Variants in RNF217 observed in about 807,000 individuals in gnomAD.
RNF217 encodes the protein ring finger protein 217, also known as E3 ubiquitin-protein ligase RNF217.
A neutral mutation model predicts 57.8 loss-of-function variants in RNF217; 31 were observed. The observed-to-expected ratio is 0.54, with a 90% CI of 0.40 to 0.72. RNF217 has a LOEUF of 0.72. Among genes scored for constraint, RNF217 ranks in the 30% least tolerant of loss-of-function variants. The pLI is 0.00. For missense variants in RNF217, 696 were observed against 708.3 expected (o/e 0.98, Z 0.20); for synonymous variants, 313 against 294.0 (o/e 1.06, Z -0.66).
intron 1 of RNF217, among the ~76,000 whole-genome samples, chr6:124,964,117 T>G (rs997265781): frequency 3.9e-5 from 6 of 152,052 alleles, no homozygotes; most frequent in Admixed American, 1.3e-4. Context: ...GAAAACTTGG[T>G]TTTTTTTCTT....
chr6:125,053,696 G>A (rs963757891), intron 2 of RNF217, among the ~76,000 whole-genome samples: 8 of 151,942 alleles, frequency 5.3e-5, no homozygotes, highest in South Asian at 2.1e-4. Context: ...CAGGTGAGTC[G>A]GCGTACTTTC....
chr6:125,051,451 G>A (rs1382708194), intron 2 of RNF217, among the ~76,000 whole-genome samples: 1 of 151,840 alleles, frequency 6.6e-6, no homozygotes, highest in East Asian at 1.9e-4. Flanking sequence ...ACCACCCTCT[G>A]TGCTACTACC....
At chr6:125,056,961 C>T (rs1020931368) in intron 2 of RNF217, among the ~76,000 whole-genome samples, 2 of 152,246 alleles carry the variant, frequency 1.3e-5, no homozygotes, top group South Asian at 2.1e-4. Flanking sequence ...TGTCATATAC[C>T]CCTCCACATA....
chr6:125,011,303 T>G (rs1785406665), intron 1 of RNF217, among the ~76,000 whole-genome samples: 1 of 152,188 alleles, frequency 6.6e-6, no homozygotes, highest in South Asian at 2.1e-4. Context: ...CCATCATTTA[T>G]TATGTATTTG....
rs1267339678 is a variant in RNF217, at chr6:125,076,852, G to T, written c.1477G>T (p.Val493Phe). ...PHLRRLVRGS[V>F]CAGKLFIAPL... ...TTTAAGGAGATTAGTGCGAGGGTCAGTCTGTGGTGAGTGTCTGACATACTT... is the reference window on the plus strand; with the variant it reads ...TTTAAGGAGATTAGTGCGAGGGTCATTCTGTGGTGAGTGTCTGACATACTT... The change falls in exon 4 of 6, where the codon GTC (valine) becomes TTC (phenylalanine). Residue 493 changes from valine (V) to phenylalanine (F), a missense_variant. By Grantham distance (50) the Val-to-Phe change is conservative. Coordinates refer to ENST00000521654, the MANE Select transcript of RNF217 (RefSeq NM_001286398.3). 6.2e-7 allele frequency: 1 copy of T among 1,613,038 alleles called. No individual in the cohort carries two copies. The highest frequency in any genetic ancestry group is 8.5e-7 in the Non-Finnish European group (1 of 1,179,308).
At chr6:125,039,977 A>G (rs1017049308) in intron 1 of RNF217, among the ~76,000 whole-genome samples, 2 of 152,204 alleles carry the variant, frequency 1.3e-5, no homozygotes, top group Non-Finnish European at 2.9e-5. Context: ...AGAGCACTAA[A>G]TGCCCACATC....
chr6:125,052,284 T>TTGTATGTGTGTGTGTG (rs374838947), intron 2 of RNF217, among the ~76,000 whole-genome samples: 55 of 143,232 alleles, frequency 3.8e-4, no homozygotes, highest in African/African-American at 1.4e-3. Context: ...GTCATGCGTT[T>TTGTATGTGTGTGTGTG]TGTGTGTGTG....
Position 124,962,440 on chromosome 6 carries a change from A to G in RNF217, c.-105A>G. ...CCAGGAGGAAGGACCCGGAAGCAGA[A>G]GCGGAGCCGCGAGTCGAGCCGAGCC... On this transcript the variant is annotated 5_prime_UTR_variant, in exon 1 of 6. Coordinates refer to ENST00000521654, the MANE Select transcript of RNF217 (RefSeq NM_001286398.3). This position sits in a 1 kb window ranked among gnomAD's most constrained non-coding sequence, Gnocchi z 4.6. 2.6e-6 allele frequency: 1 copy of G among 379,010 alleles called. No homozygotes were observed. The highest frequency in any genetic ancestry group is 5.5e-5 in the Admixed American group (1 of 18,322). The allele number at this position is 379,010 out of a possible 1,614,324, so 23.5% of individuals were successfully genotyped here. A position where few individuals can be genotyped will look rare whatever the true frequency, so the allele number is the denominator to read the frequency against.
At chr6:125,031,589 A>G (rs1054722776) in intron 1 of RNF217, among the ~76,000 whole-genome samples, 3 of 152,224 alleles carry the variant, frequency 2.0e-5, no homozygotes, top group South Asian at 4.1e-4. Flanking sequence ...TCACTGAATC[A>G]TAATGAGAGT....
At position 125,045,784 on chromosome 6, in the gene RNF217, T is replaced by C. The variant is rs117176638; in HGVS notation, c.1116+340T>C. Reference sequence around the variant, plus strand: ...TATTATTATGGACTTGATTTTTTTTTCAGTGGTCCCAATGTAAGTCTCCTC... The same window carrying C: ...TATTATTATGGACTTGATTTTTTTTCCAGTGGTCCCAATGTAAGTCTCCTC... On this transcript the variant is annotated intron_variant, in intron 2 of 5. Coordinates refer to ENST00000521654, the MANE Select transcript of RNF217 (RefSeq NM_001286398.3). 9.1e-3 allele frequency among the ~76,000 whole-genome samples: 1,391 copies of C among 152,220 alleles called. 54 individuals are homozygous for C. The East Asian group carries it at 0.11, about 12-fold the overall frequency.
intron 1 of RNF217, among the ~76,000 whole-genome samples, chr6:125,038,342 A>C (rs193267580): frequency 2.0e-5 from 3 of 151,824 alleles, no homozygotes; most frequent in Non-Finnish European, 4.4e-5. Context: ...ACTTGATACT[A>C]AAAAATTGAC....
At chr6:124,998,528 C>T (rs1053402200) in intron 1 of RNF217, among the ~76,000 whole-genome samples, 3 of 152,024 alleles carry the variant, frequency 2.0e-5, no homozygotes, top group African/African-American at 4.8e-5. Context: ...GGCCAGGTGC[C>T]GTGGCTCAAA....
intron 1 of RNF217, among the ~76,000 whole-genome samples, chr6:124,985,083 T>G (rs1784324955): frequency 6.6e-6 from 1 of 152,190 alleles, no homozygotes; most frequent in African/African-American, 2.4e-5. Flanking sequence ...TGATCCATAC[T>G]AATAGGATAA....
chr6:125,053,550 TATAGGG>T (rs1430896639), intron 2 of RNF217, among the ~76,000 whole-genome samples: 1 of 152,172 alleles, frequency 6.6e-6, no homozygotes, highest in Non-Finnish European at 1.5e-5. Flanking sequence ...TAATGATGTG[TATAGGG>T]GTATCTAGAA....
intron 1 of RNF217, among the ~76,000 whole-genome samples, chr6:125,040,476 G>A (rs1328781813): frequency 6.6e-6 from 1 of 152,128 alleles, no homozygotes; most frequent in Non-Finnish European, 1.5e-5. Flanking sequence ...AAATGCCCAG[G>A]ACCAGATGGA....
intron 1 of RNF217, among the ~76,000 whole-genome samples, chr6:125,023,746 A>T (rs1318246478): frequency 6.6e-6 from 1 of 152,220 alleles, no homozygotes; most frequent in Non-Finnish European, 1.5e-5. Context: ...CAGTCTTTAG[A>T]AAGAAGGAAA....
At chr6:125,042,674 G>A (rs1295745623) in intron 1 of RNF217, among the ~76,000 whole-genome samples, 1 of 152,046 alleles carries the variant, frequency 6.6e-6, no homozygotes. Context: ...CGATGTGGTT[G>A]ATTAACAAAT....
intron 1 of RNF217, among the ~76,000 whole-genome samples, chr6:124,992,386 A>C (rs1238769907): frequency 6.6e-6 from 1 of 152,172 alleles, no homozygotes; most frequent in East Asian, 1.9e-4. Flanking sequence ...ATAATAGTCA[A>C]GCAGGAGAAA....
chr6:125,081,830 C>A (rs1429856815), intron 5 of RNF217, among the ~76,000 whole-genome samples: 1 of 151,990 alleles, frequency 6.6e-6, no homozygotes, highest in African/African-American at 2.4e-5. Flanking sequence ...TTTTCTAATT[C>A]TGAGTTCAGG....
Sources: gnomAD v4.1 joint callset for allele counts (sites outside exome capture counted in the v4.1 genomes callset) on GRCh38, gnomAD v4.1.1 for gene constraint, Gnocchi (gnomAD v3.1) non-coding constraint, MANE v1.5 for transcripts, NCBI Gene and HGNC (gene_info 2026-07-23, HGNC 2026-07-21) for gene names.